SLC39A10: variants seen among roughly 807,000 people sequenced by gnomAD.
SLC39A10 encodes solute carrier family 39 member 10.
A neutral mutation model predicts 65.1 loss-of-function variants in SLC39A10; 13 were observed. The observed-to-expected ratio is 0.20, with a 90% confidence interval of 0.13 to 0.32. The LOEUF (loss-of-function observed/expected upper bound fraction) is 0.32, where lower values mean the gene tolerates loss of function less well. SLC39A10 is among the 10% of genes least tolerant of loss of function. The pLI, the probability that SLC39A10 is intolerant of heterozygous loss-of-function variation, is 1.00. For missense variants in SLC39A10, 831 were observed against 1,018.4 expected, an observed-to-expected ratio of 0.82 and a Z score of 2.50; for synonymous variants, 321 against 342.2, an observed-to-expected ratio of 0.94 and a Z score of 0.68.
At position 195,737,119 on chromosome 2, in the gene SLC39A10, CTTTA is replaced by C. The variant is rs1251032612; in HGVS notation, c.*2082_*2085del. The C allele has an allele frequency of 1.3e-5, 2 of 152,526 alleles. No homozygotes were observed. Among genetic ancestry groups the C allele is most frequent in the Non-Finnish European group, 2.9e-5 (2 of 68,000 alleles). The allele number at this position is 152,526 out of a possible 1,614,324, so 9.4% of individuals were successfully genotyped here. On this transcript the variant is annotated 3_prime_UTR_variant, in exon 10 of 10. Transcript: ENST00000359634. Reference sequence around the variant, plus strand: ...TTCTCTCAAAAATGGTATTATCTTTCTTTATTTGCTAGATTCTTACAAATCTTTT... The same window carrying C: ...TTCTCTCAAAAATGGTATTATCTTTCTTTGCTAGATTCTTACAAATCTTTT...
intron 9 of SLC39A10, among the ~76,000 whole-genome samples, chr2:195,730,042 CAA>C (rs1410253250): frequency 7.4e-6 from 1 of 135,542 alleles, no homozygotes; most frequent in African/African-American, 2.8e-5. Context: ...TGGCCTCAAA[CAA>C]TGCTCCAGCC....
intron 6 of SLC39A10, 80 bp from the exon 7 acceptor site, chr2:195,716,557 T>C: frequency 1.7e-6 from 2 of 1,145,208 alleles, no homozygotes; most frequent in Non-Finnish European, 2.4e-6. Context: ...GAAATGTTCA[T>C]TGCACTGCTA....
rs2105814243 is a variant in SLC39A10, at chr2:195,708,826, G to A, written c.1557G>A (p.Lys519=). 1 of 1,607,212 alleles carries A rather than the reference G, an allele frequency of 6.2e-7. No individual in the cohort carries two copies. Among genetic ancestry groups the A allele is most frequent in the East Asian group, 2.2e-5 (1 of 44,686 alleles). Residue 519 remains lysine, a synonymous_variant, in exon 5 of 10, where the codon AAG becomes AAA. Transcript: ENST00000359634. ...TTGAACACTGCATTAGAATGTTTAA[G>A]CACTACAAACAACAAAGAGTAAGTA... The part of the protein sequence containing the change: ...FIIEHCIRMF[K]HYKQQRGKQK...
rs141114173 is a variant in SLC39A10 at position 195,644,500 on chromosome 2, C to T, written c.-11-35532C>T. On this transcript the variant is annotated intron_variant, in intron 2 of 2. Transcript: ENST00000458054. ...GGGATTACAGGCATGCACCACCACA[C>T]CCGGCTAATTTTTGTATTTTTAGTA... Among the ~76,000 whole-genome samples the T allele has an allele frequency of 0.018, 2,780 of 152,016 alleles. 226 individuals are homozygous for T. In the East Asian group the frequency reaches 0.25, roughly 14 times the overall value.
intron 2 of SLC39A10, among the ~76,000 whole-genome samples, chr2:195,623,247 C>T (rs1287087738): frequency 6.6e-6 from 1 of 152,080 alleles, no homozygotes; most frequent in Non-Finnish European, 1.5e-5. Flanking sequence ...GGTTGCCCTG[C>T]CAAATTACCC....
intron 1 of SLC39A10, among the ~76,000 whole-genome samples, chr2:195,672,826 A>G (rs901831630): frequency 2.6e-4 from 40 of 152,208 alleles, no homozygotes; most frequent in African/African-American, 9.6e-4. Flanking sequence ...TGGTATTTAC[A>G]TATCAGCTGA....
intron 1 of SLC39A10, among the ~76,000 whole-genome samples, chr2:195,672,485 A>G (rs1319731944): frequency 6.6e-6 from 1 of 152,192 alleles, no homozygotes; most frequent in East Asian, 1.9e-4. Context: ...CTAAAGTTGC[A>G]AAGTTAGTGA....
intron 3 of SLC39A10, among the ~76,000 whole-genome samples, chr2:195,701,460 T>C (rs1239085373): frequency 1.8e-4 from 14 of 79,366 alleles, no homozygotes; most frequent in Non-Finnish European, 3.8e-4. Context: ...TTTTTTTTTT[T>C]AATGTGCCTT....
chr2:195,646,992 T>G (rs1235024022), intron 2 of SLC39A10, among the ~76,000 whole-genome samples: 1 of 152,130 alleles, frequency 6.6e-6, no homozygotes, highest in Non-Finnish European at 1.5e-5. Flanking sequence ...TTCAGCATCA[T>G]TTTATCTCTC....
intron 2 of SLC39A10, among the ~76,000 whole-genome samples, chr2:195,651,014 T>G (rs959783900): frequency 1.1e-4 from 17 of 151,316 alleles, no homozygotes; most frequent in Non-Finnish European, 1.9e-4. Context: ...GAGTCTGCAG[T>G]GAGCTGTGAT....
intron 8 of SLC39A10, among the ~76,000 whole-genome samples, chr2:195,722,076 G>A (rs1692065073): frequency 6.6e-6 from 1 of 152,210 alleles, no homozygotes; most frequent in Non-Finnish European, 1.5e-5. Context: ...CCAATGCAGA[G>A]CTCTGGTAAA....
At chr2:195,686,859 G>C (rs1436527888) in intron 3 of SLC39A10, among the ~76,000 whole-genome samples, 2 of 152,202 alleles carry the variant, frequency 1.3e-5, no homozygotes, top group Non-Finnish European at 2.9e-5. Flanking sequence ...AGGTTTTGGA[G>C]AGTGCTTTGC....
chr2:195,674,672 T>G, intron 1 of SLC39A10: 1 of 978,214 alleles, frequency 1.0e-6, no homozygotes, highest in Non-Finnish European at 1.2e-6. Flanking sequence ...ATGCATTGCT[T>G]AATGCTGAGT....
At chr2:195,617,654 C>G (rs935721324) in intron 2 of SLC39A10, among the ~76,000 whole-genome samples, 1 of 152,022 alleles carries the variant, frequency 6.6e-6, no homozygotes, top group East Asian at 1.9e-4. Context: ...GAAAATCACT[C>G]GAGCTCAGGA....
intron 2 of SLC39A10, among the ~76,000 whole-genome samples, chr2:195,642,272 T>C (rs1424943351): frequency 1.3e-5 from 2 of 152,152 alleles, no homozygotes; most frequent in East Asian, 1.9e-4. Flanking sequence ...AAGTAGAATA[T>C]GGACACAAGG....
chr2:195,622,972 C>CAAAAAAAA (rs11440347), intron 2 of SLC39A10, among the ~76,000 whole-genome samples: 6 of 96,852 alleles, frequency 6.2e-5, no homozygotes, highest in East Asian at 2.6e-4. Context: ...ACTCCTGTCT[C>CAAAAAAAA]AAAAAAAAAA....
chr2:195,735,034 A>C lies in SLC39A10; in HGVS notation c.2489A>C (p.Gln830Pro). The change falls in exon 10 of 10, where the codon CAG (glutamine) becomes CCG (proline). Residue 830 changes from glutamine (Q) to proline (P), a missense_variant. Transcript: ENST00000359634. ...GAAGATAAAATTGTGTTTGACATCC[A>C]GTTTTGACCTTTCCCAGTAATCACT... is the stretch of plus-strand genomic sequence containing the variant. The part of the protein sequence containing the change: ...LYEDKIVFDI[Q>P]F 6.2e-7 allele frequency: 1 copy of C among 1,610,008 alleles called. No individual in the cohort carries two copies. Among genetic ancestry groups the C allele is most frequent in the East Asian group, 2.2e-5 (1 of 44,746 alleles).
chr2:195,616,804 C>T (rs554669172), intron 2 of SLC39A10, among the ~76,000 whole-genome samples: 3 of 152,220 alleles, frequency 2.0e-5, no homozygotes, highest in African/African-American at 7.2e-5. Context: ...GGGGTTTCAC[C>T]ATGTTAGCCA....
At chr2:195,724,423 G>C (rs1233408044) in intron 8 of SLC39A10, among the ~76,000 whole-genome samples, 1 of 152,114 alleles carries the variant, frequency 6.6e-6, no homozygotes, top group African/African-American at 2.4e-5. Context: ...AGAAAAATAT[G>C]CAGATACCTT....
Sources: allele counts gnomAD v4.1 joint callset (sites outside exome capture counted in the v4.1 genomes callset), GRCh38; gene constraint gnomAD v4.1.1; transcripts MANE v1.5; gene names NCBI Gene and HGNC (gene_info 2026-07-23, HGNC 2026-07-21).